Variants in POU2F3 observed in about 807,000 individuals in gnomAD.
POU2F3 encodes POU domain, class 2, transcription factor 3.
A neutral mutation model predicts 59.2 loss-of-function variants in POU2F3; 23 were observed. That is an observed-to-expected ratio of 0.39 (90% CI 0.28 to 0.55). POU2F3 has a LOEUF of 0.55. Among genes scored for constraint, POU2F3 ranks in the 20% least tolerant of loss-of-function variants. POU2F3 has a pLI of 0.66. For missense variants in POU2F3, 473 were observed against 544.5 expected (o/e 0.87, Z 1.31); for synonymous variants, 190 against 214.6 (o/e 0.89, Z 1.00).
intron 1 of POU2F3, among the ~76,000 whole-genome samples, chr11:120,242,804 C>A (rs908596799): frequency 2.6e-5 from 4 of 152,196 alleles, no homozygotes; most frequent in Non-Finnish European, 5.9e-5. Flanking sequence ...AGCACAAAGA[C>A]CTGAGCAGGC....
At chr11:120,288,148 A>AAAC (rs1555076871) in intron 3 of POU2F3, among the ~76,000 whole-genome samples, 1 of 146,370 alleles carries the variant, frequency 6.8e-6, no homozygotes, top group Non-Finnish European at 1.5e-5. Context: ...AAAAAAAAAA[A>AAAC]CAAGAAAAAA....
chr11:120,311,888 A>G (rs1941657912), intron 10 of POU2F3, among the ~76,000 whole-genome samples: 1 of 152,152 alleles, frequency 6.6e-6, no homozygotes, highest in Non-Finnish European at 1.5e-5. Context: ...AGAAACTGAG[A>G]AGGAGGGACC....
chr11:120,263,222 C>A (rs973066718), intron 2 of POU2F3, among the ~76,000 whole-genome samples: 2 of 152,148 alleles, frequency 1.3e-5, no homozygotes, highest in African/African-American at 4.8e-5. Flanking sequence ...GAACTCCTGA[C>A]CTTGTGATCT....
chr11:120,240,932 T>C (rs954834619), intron 1 of POU2F3, among the ~76,000 whole-genome samples: 1 of 152,192 alleles, frequency 6.6e-6, no homozygotes, highest in African/African-American at 2.4e-5. Context: ...AGACACATCC[T>C]CTGGGTTCCA....
intron 2 of POU2F3, chr11:120,254,163 T>C (rs1452382869): frequency 6.6e-6 from 1 of 152,186 alleles, no homozygotes; most frequent in Admixed American, 6.5e-5. Flanking sequence ...AACACCTGAA[T>C]GTGGAAAAGT....
At chr11:120,272,496 G>A (rs1940119970) in intron 3 of POU2F3, among the ~76,000 whole-genome samples, 1 of 152,228 alleles carries the variant, frequency 6.6e-6, no homozygotes, top group Non-Finnish European at 1.5e-5. Context: ...TGTAGGAGCA[G>A]CCTCTGCATC....
Position 120,307,581 on chromosome 11 carries a change from A to G in POU2F3, c.872A>G (p.Asn291Ser), listed in dbSNP as rs1941533329. 5.6e-6 allele frequency: 9 copies of G among 1,614,036 alleles called. No homozygotes were observed. Among genetic ancestry groups the G allele is most frequent in the Non-Finnish European group, 7.6e-6 (9 of 1,179,964 alleles). ...AAGAAACGGACCAGCATCGAGACCA[A>G]CATCCGCCTGACTCTGGAGAAGAGG... The part of the protein sequence containing the change: ...KRKKRTSIET[N>S]IRLTLEKRFQ... Residue 291 changes from asparagine to serine, a missense_variant, in exon 9 of 13, where the codon AAC becomes AGC. By Grantham distance (46) the Asn-to-Ser change is conservative. Transcript: ENST00000543440.
intron 2 of POU2F3, among the ~76,000 whole-genome samples, chr11:120,247,035 C>G (rs946013475): frequency 1.3e-5 from 2 of 152,144 alleles, no homozygotes; most frequent in African/African-American, 2.4e-5. Flanking sequence ...GTAGTCCCAG[C>G]TAGTCAGCAG....
chr11:120,318,291 C>A (rs1941839603), intron 12 of POU2F3, 62 bp from the exon 13 acceptor site: 1 of 1,499,130 alleles, frequency 6.7e-7, no homozygotes, highest in Middle Eastern at 1.7e-4. Context: ...GCAGTCACTC[C>A]CCATTCCCAT....
chr11:120,313,811 C>T (rs555078456), intron 10 of POU2F3, among the ~76,000 whole-genome samples: 16 of 152,124 alleles, frequency 1.1e-4, no homozygotes, highest in Non-Finnish European at 2.2e-4. Context: ...GTTAGGAGTT[C>T]GAGACCAGCC....
chr11:120,258,328 G>A (rs568598093), intron 2 of POU2F3, among the ~76,000 whole-genome samples: 17 of 152,228 alleles, frequency 1.1e-4, no homozygotes, highest in Non-Finnish European at 2.1e-4. Flanking sequence ...AGGCTGGAGC[G>A]GTGCTGGTCT....
chr11:120,260,187 C>T (rs925819296), intron 2 of POU2F3, among the ~76,000 whole-genome samples: 3 of 152,254 alleles, frequency 2.0e-5, no homozygotes, highest in Admixed American at 1.3e-4. Flanking sequence ...AACAGTTCTC[C>T]GGCTTCCACC....
At chr11:120,307,250 C>T (rs1191018703) in intron 8 of POU2F3, among the ~76,000 whole-genome samples, 2 of 152,188 alleles carry the variant, frequency 1.3e-5, no homozygotes, top group African/African-American at 2.4e-5. Context: ...TCACGGAGGG[C>T]CACAGAAGGC....
chr11:120,305,479 C>T (rs1416222634), intron 7 of POU2F3, 165 bp from the exon 8 acceptor site: 23 of 1,156,952 alleles, frequency 2.0e-5, no homozygotes, highest in Admixed American at 4.6e-5. Flanking sequence ...AGAAAGAAAC[C>T]GATTCTTCAC....
intron 3 of POU2F3, among the ~76,000 whole-genome samples, chr11:120,282,476 C>T (rs1940609099): frequency 6.6e-6 from 1 of 152,066 alleles, no homozygotes; most frequent in South Asian, 2.1e-4. Flanking sequence ...GCCAACATGG[C>T]GAAACCCTGT....
rs150562013 is a variant in POU2F3, at chr11:120,246,483, G to A, written c.63G>A (p.Thr21=). 4.0e-4 allele frequency: 642 copies of A among 1,613,816 alleles called. 1 individual carries two copies. The African/African-American group carries it at 7.2e-3, about 18-fold the overall frequency. Reference sequence around the variant, plus strand: ...TGAGTGGGGATGTAGCCGATTCCACGGATGCTCGCAGCACTCTCAGCCAGG... The same window carrying A: ...TGAGTGGGGATGTAGCCGATTCCACAGATGCTCGCAGCACTCTCAGCCAGG... ...IKMSGDVADS[T]DARSTLSQVE... Residue 21 remains threonine, a synonymous_variant, in exon 2 of 13, where the codon ACG becomes ACA. Transcript: ENST00000543440.
At chr11:120,251,199 C>T (rs988213269) in intron 2 of POU2F3, among the ~76,000 whole-genome samples, 1 of 152,314 alleles carries the variant, frequency 6.6e-6, no homozygotes, top group Non-Finnish European at 1.5e-5. Flanking sequence ...GTCTTGAACT[C>T]CTGGCCTGAA....
intron 3 of POU2F3, among the ~76,000 whole-genome samples, chr11:120,281,353 G>A (rs932154859): frequency 2.0e-5 from 3 of 151,888 alleles, no homozygotes; most frequent in African/African-American, 4.8e-5. Context: ...AGGCCCAAAC[G>A]GTTGACTGGC....
chr11:120,282,073 G>A (rs1252691907), intron 3 of POU2F3, among the ~76,000 whole-genome samples: 1 of 152,170 alleles, frequency 6.6e-6, no homozygotes, highest in Non-Finnish European at 1.5e-5. Flanking sequence ...GCCCTTGGAA[G>A]GCTCTGAAGA....
Sources: allele counts gnomAD v4.1 joint callset (sites outside exome capture counted in the v4.1 genomes callset), GRCh38; gene constraint gnomAD v4.1.1; transcripts MANE v1.5; gene names NCBI Gene and HGNC (gene_info 2026-07-23, HGNC 2026-07-21).